Variants in LAMA5 observed in about 807,000 individuals in gnomAD.
The protein encoded by LAMA5 is laminin subunit alpha 5.
In LAMA5, 260 loss-of-function variants were observed where a neutral mutation model predicts 433.4. That is an observed-to-expected ratio of 0.60 (90% CI 0.54 to 0.66). The LOEUF is 0.66. LAMA5 is among the 30% of genes least tolerant of loss of function. The pLI is 0.00. For missense variants in LAMA5, 5,378 were observed against 5,258.5 expected, an observed-to-expected ratio of 1.02 and a Z score of -0.70; for synonymous variants, 2,620 against 2,226.6, an observed-to-expected ratio of 1.18 and a Z score of -4.97.
chr20:62,352,337 G>A lies in LAMA5; in HGVS notation c.592C>T (p.Arg198Trp), dbSNP rs765464944. 1.6e-5 allele frequency: 25 copies of A among 1,599,110 alleles called. No homozygotes were observed. Among genetic ancestry groups the A allele is most frequent in the South Asian group, 9.9e-5 (9 of 91,058 alleles). ...FASSKRDCLE[R>W]FGPQTLERIT... is the part of the protein sequence containing the mutation. ...CGCTCCAGCGTCTGTGGCCCGAACC[G>A]CTCCAGACAGTCCCTCTTGGAGGCT... is the stretch of plus-strand genomic sequence containing the variant. Residue 198 changes from arginine (R) to tryptophan (W), a missense_variant, in exon 4 of 80, where the codon CGG becomes TGG. Coordinates refer to ENST00000252999, the MANE Select transcript of LAMA5 (RefSeq NM_005560.6).
At position 62,309,978 on chromosome 20, in the gene LAMA5, G is replaced by T; in HGVS notation, c.10828+10C>A. The T allele has an allele frequency of 6.2e-7, 1 of 1,609,562 alleles. No homozygotes were observed. On this transcript the variant is annotated intron_variant, in intron 78 of 79. Coordinates refer to ENST00000252999, the MANE Select transcript of LAMA5 (RefSeq NM_005560.6). ...GTGGCAGAGTGCCCTGGCCACAGGA[G>T]GGGCCTCACCCGCTAGCCGGTGCCA...
chr20:62,330,926 C>T lies in LAMA5; in HGVS notation c.3669G>A (p.Ser1223=), dbSNP rs1461577740. ...TGGGCTGGGGCGGCTTTGGGAAGCG[C>T]GAGGGCAGACAGGCGGCACTGGTGA... The part of the protein sequence containing the change: ...FGPNSAACLP[S]RFPKPPQPII... Residue 1223 remains serine, a synonymous_variant, in exon 30 of 80, where the codon TCG becomes TCA. Transcript: ENST00000252999. The T allele has an allele frequency of 2.7e-5, 42 of 1,550,548 alleles. No individual in the cohort carries two copies. The highest frequency in any genetic ancestry group is 2.2e-4 in the East Asian group (9 of 40,910).
intron 14 of LAMA5, 22 bp downstream of exon 14, chr20:62,337,994 C>A (rs1201873488): frequency 6.3e-7 from 1 of 1,594,734 alleles, no homozygotes; most frequent in Non-Finnish European, 8.6e-7. Flanking sequence ...AGAACCCCTT[C>A]CTGCCCTGAC....
In LAMA5 at chr20:62,329,166, G is replaced by A. The variant is rs1395326916; in HGVS notation, c.4207C>T (p.His1403Tyr). 3 of 1,612,872 alleles carry A rather than the reference G, an allele frequency of 1.9e-6. No homozygotes were observed. Among genetic ancestry groups the A allele is most frequent in the Non-Finnish European group, 8.5e-7 (1 of 1,179,906 alleles). ...ATGTGGTAGCCCTGGGCTGCGCAGT[G>A]GCTGATGAAGTCATAGGATTTATCC... is the stretch of plus-strand genomic sequence containing the variant. ...PLDKSYDFIS[H>Y]CAAQGYHISP... The change falls in exon 33 of 80, where the codon CAC becomes TAC. Residue 1403 changes from histidine to tyrosine, a missense_variant. Coordinates refer to ENST00000252999, the MANE Select transcript of LAMA5 (RefSeq NM_005560.6).
rs778778493 is a variant in LAMA5 at position 62,352,384 on chromosome 20, G to A, written c.569-24C>T. The A allele has an allele frequency of 1.0e-5, 16 of 1,568,212 alleles. No individual in the cohort carries two copies. In the East Asian group the frequency reaches 3.6e-4, roughly 35 times the overall value. On this transcript the variant is annotated intron_variant, in intron 3 of 79. Coordinates refer to ENST00000252999, the MANE Select transcript of LAMA5 (RefSeq NM_005560.6). Reference sequence around the variant, plus strand: ...GGCTGCGGGGAATGGCGGGAGGGGAGGGCGCTGGATCACCAGAAAAGCCTG... The same window carrying A: ...GGCTGCGGGGAATGGCGGGAGGGGAAGGCGCTGGATCACCAGAAAAGCCTG...
At chr20:62,310,854 T>C in intron 74 of LAMA5, 25 bp from the exon 75 acceptor site, 2 of 1,596,230 alleles carry the variant, frequency 1.3e-6, no homozygotes, top group Non-Finnish European at 1.7e-6. Flanking sequence ...TGGGTCAGGG[T>C]AGGGCTGCCA....
intron 56 of LAMA5, 28 bp downstream of exon 56, chr20:62,316,854 G>A (rs966822437): frequency 6.5e-7 from 1 of 1,534,198 alleles, no homozygotes; most frequent in African/African-American, 1.4e-5. Context: ...CGCTCCTGCT[G>A]GGGCTGAGGG....
chr20:62,322,108 C>T lies in LAMA5; in HGVS notation c.6407G>A (p.Gly2136Glu). 1 of 1,603,150 alleles carries T rather than the reference C, an allele frequency of 6.2e-7. No individual in the cohort carries two copies. The highest frequency in any genetic ancestry group is 2.2e-5 in the East Asian group (1 of 44,850). The change falls in exon 48 of 80, where the codon GGG becomes GAG. Residue 2136 changes from glycine to glutamate, a missense_variant. Physicochemically the swap from Gly to Glu is moderately conservative, Grantham distance 98 (BLOSUM62 -2). Coordinates refer to ENST00000252999, the MANE Select transcript of LAMA5 (RefSeq NM_005560.6). ...GGTGTCGCAGCGCTCCCCGCTGAGCCCCGGGGGGCAGTTGCAGCGGCCCGT... is the reference window on the plus strand; with the variant it reads ...GGTGTCGCAGCGCTCCCCGCTGAGCTCCGGGGGGCAGTTGCAGCGGCCCGT... The part of the protein sequence containing the change: ...PHTGRCNCPP[G>E]LSGERCDTCS...
rs770862289 is a variant in LAMA5 at position 62,323,689 on chromosome 20, G to A, written c.5850-19C>T. On this transcript the variant is annotated intron_variant, in intron 44 of 79. Transcript: ENST00000252999. ...CGCACACCTGGGAGCAGGGTGGGGA[G>A]GGGCCGTCAGTGGCCCGTGGCGCCC... is the stretch of plus-strand genomic sequence containing the variant. 1.3e-6 allele frequency: 2 copies of A among 1,598,078 alleles called. No individual in the cohort carries two copies. Among genetic ancestry groups the A allele is most frequent in the Non-Finnish European group, 1.7e-6 (2 of 1,170,488 alleles).
chr20:62,326,744 A>AT lies in LAMA5; in HGVS notation c.5230dup (p.Ile1744AsnfsTer150). On this transcript the variant is annotated frameshift_variant, in exon 40 of 80. Transcript: ENST00000252999. LOFTEE classifies it high-confidence loss of function. ...GGGGTATGCCGGCTCCAGGAATGTG[A>AT]TGCTCATCTGGTTGCCCTGGGAAGG... is the stretch of plus-strand genomic sequence containing the variant. 1 of 1,612,966 alleles carries AT rather than the reference A, an allele frequency of 6.2e-7. No individual in the cohort carries two copies. The highest frequency in any genetic ancestry group is 8.5e-7 in the Non-Finnish European group (1 of 1,179,888).
At chr20:62,351,662 G>C in intron 6 of LAMA5, 42 bp downstream of exon 6, 2 of 1,582,160 alleles carry the variant, frequency 1.3e-6, no homozygotes, top group Non-Finnish European at 1.7e-6. Context: ...GGAGCTGGGG[G>C]GGGCCTCACC....
intron 24 of LAMA5, 36 bp from the exon 25 acceptor site, chr20:62,333,517 C>G (rs753462326): frequency 6.3e-7 from 1 of 1,590,312 alleles, no homozygotes; most frequent in African/African-American, 1.3e-5. Flanking sequence ...GTGGTGGGCC[C>G]CACCCCCTGA....
At chr20:62,334,881 A>G in intron 20 of LAMA5, 140 bp downstream of exon 20, 1 of 794,184 alleles carries the variant, frequency 1.3e-6, no homozygotes, top group Non-Finnish European at 2.0e-6. Flanking sequence ...ACCCTGGCAC[A>G]GGCTGGCACC....
chr20:62,346,726 G>A lies in LAMA5; in HGVS notation c.1147C>T (p.Leu383=). 1 of 1,613,292 alleles carries A rather than the reference G, an allele frequency of 6.2e-7. No homozygotes were observed. Residue 383 remains leucine, a synonymous_variant, in exon 8 of 80, where the codon CTG becomes TTG. Coordinates refer to ENST00000252999, the MANE Select transcript of LAMA5 (RefSeq NM_005560.6). ...CCCCCACCCTGATAGGTGCCATCCAGGCTCTGGCTGGCGCGGCGCCGGTCC... is the reference window on the plus strand; with the variant it reads ...CCCCCACCCTGATAGGTGCCATCCAAGCTCTGGCTGGCGCGGCGCCGGTCC... ...EVDRRRASQS[L]DGTYQGGGVC...
intron 45 of LAMA5, among the ~76,000 whole-genome samples, 182 bp downstream of exon 45, chr20:62,323,274 C>T (rs1014107129): frequency 3.3e-5 from 3 of 91,098 alleles, no homozygotes; most frequent in Non-Finnish European, 7.3e-5. Context: ...ATCGCTGGGG[C>T]GGGAGGACCG....
At chr20:62,365,898 G>T (rs1205627867) in intron 1 of LAMA5, among the ~76,000 whole-genome samples, 1 of 152,122 alleles carries the variant, frequency 6.6e-6, no homozygotes, top group Non-Finnish European at 1.5e-5. Context: ...GGGCCAAGGG[G>T]GTGGGGCAGG....
In LAMA5 at chr20:62,328,886, A is replaced by C. The variant is rs144009130; in HGVS notation, c.4405T>G (p.Ser1469Ala). 5.6e-4 allele frequency: 909 copies of C among 1,611,894 alleles called. 3 individuals carry two copies. In the African/African-American group the frequency reaches 8.8e-3, roughly 16 times the overall value. Residue 1469 changes from serine (S) to alanine (A), a missense_variant, in exon 34 of 80, where the codon TCC becomes GCC. By Grantham distance (99) the Ser-to-Ala change is moderately conservative. Coordinates refer to ENST00000252999, the MANE Select transcript of LAMA5 (RefSeq NM_005560.6). ...CCCCAGTATCCGGTGGCACAGCGGG[A>C]GCAGTCACGGCCAATGACATGGGCA... ...CHAHVIGRDC[S>A]RCATGYWGFP...
At position 62,336,386 on chromosome 20, in the gene LAMA5, T is replaced by G; in HGVS notation, c.2277A>C (p.Lys759Asn). 6.2e-7 allele frequency: 1 copy of G among 1,612,440 alleles called. No homozygotes were observed. The change falls in exon 18 of 80, where the codon AAA becomes AAC. Residue 759 changes from lysine (K) to asparagine (N), a missense_variant. Lys to Asn is a moderately conservative substitution (Grantham distance 94). Coordinates refer to ENST00000252999, the MANE Select transcript of LAMA5 (RefSeq NM_005560.6). ...HVEGPSCDRC[K>N]PGFWGLSPSN... ...TGGGGCTCAGTCCCCAGAACCCAGG[T>G]TTGCAGCGGTCACAGCTCGGCCCCT... is the stretch of plus-strand genomic sequence containing the variant.
intron 6 of LAMA5, 50 bp from the exon 7 acceptor site, chr20:62,347,078 C>T: frequency 1.2e-5 from 17 of 1,442,530 alleles, no homozygotes; most frequent in Non-Finnish European, 1.6e-5. Flanking sequence ...AGGCAGGTGG[C>T]AGGTGCTCAG....
Sources: allele counts gnomAD v4.1 joint callset (sites outside exome capture counted in the v4.1 genomes callset), GRCh38; gene constraint gnomAD v4.1.1; transcripts MANE v1.5; gene names NCBI Gene and HGNC (gene_info 2026-07-23, HGNC 2026-07-21).